NBEA: variants seen among roughly 807,000 people sequenced by gnomAD.
NBEA encodes lysosomal-trafficking regulator 2.
In NBEA, 44 loss-of-function variants were observed where a neutral mutation model predicts 343.4. The observed-to-expected ratio is 0.13, with a 90% CI of 0.10 to 0.16. The LOEUF (loss-of-function observed/expected upper bound fraction) is 0.16. Ranked by LOEUF, NBEA falls within the 10% of genes least tolerant of loss-of-function variation. The probability of loss-of-function intolerance (pLI) is 1.00; values close to 1 mark genes in which losing one functional copy is unlikely to be tolerated. For synonymous variants in NBEA, 1,175 were observed against 1,238.7 expected, an observed-to-expected ratio of 0.95 and a Z score of 1.08; for missense variants, 2,555 against 3,631.3, an observed-to-expected ratio of 0.70 and a Z score of 7.62.
At chr13:35,652,762 T>C in intron 53 of NBEA, among the ~76,000 whole-genome samples, 1 of 125,060 alleles carries the variant, frequency 8.0e-6, no homozygotes, top group African/African-American at 2.9e-5. Context: ...TGGCGCGATC[T>C]CGGCTCACTG....
At chr13:35,352,078 G>A (rs539765247) in intron 37 of NBEA, 79 bp from the exon 38 acceptor site, 11 of 877,676 alleles carry the variant, frequency 1.3e-5, no homozygotes, top group African/African-American at 1.2e-4. Flanking sequence ...TCCTGTTACC[G>A]TTTAACTTAA....
intron 41 of NBEA, chr13:35,474,873 G>T: frequency 1.4e-6 from 1 of 698,288 alleles, no homozygotes; most frequent in Non-Finnish European, 2.3e-6. Context: ...TTCTCCATCC[G>T]CTTCCCCTAC....
intron 53 of NBEA, among the ~76,000 whole-genome samples, chr13:35,654,233 T>C (rs2084694423): frequency 6.6e-6 from 1 of 152,190 alleles, no homozygotes; most frequent in Admixed American, 6.5e-5. Context: ...TTTGCCTGTC[T>C]CTTTCCTCCC....
intron 38 of NBEA, among the ~76,000 whole-genome samples, chr13:35,366,775 A>G (rs1470318409): frequency 6.6e-6 from 1 of 151,300 alleles, no homozygotes; most frequent in Non-Finnish European, 1.5e-5. Flanking sequence ...AAATTAATGG[A>G]TGAAACTTAA....
intron 2 of NBEA, among the ~76,000 whole-genome samples, chr13:35,041,949 C>T (rs190713016): frequency 1.3e-5 from 2 of 151,980 alleles, no homozygotes; most frequent in Admixed American, 1.3e-4. Context: ...TATCTTCTGA[C>T]ATAAAAGCAT....
chr13:35,323,436 A>G (rs2152842228), intron 36 of NBEA, among the ~76,000 whole-genome samples: 1 of 152,066 alleles, frequency 6.6e-6, no homozygotes, highest in East Asian at 1.9e-4. Context: ...GAAATTGGAA[A>G]TCATCATTCT....
chr13:35,339,943 C>T (rs1478418364), intron 36 of NBEA, among the ~76,000 whole-genome samples: 2 of 152,018 alleles, frequency 1.3e-5, no homozygotes, highest in East Asian at 1.9e-4. Flanking sequence ...CAGATCCAAA[C>T]CATATTAGGC....
intron 10 of NBEA, among the ~76,000 whole-genome samples, chr13:35,076,372 G>A (rs1316149156): frequency 6.6e-6 from 1 of 151,952 alleles, no homozygotes; most frequent in East Asian, 1.9e-4. Context: ...TTTAAGCAGA[G>A]TAAAATGAAA....
chr13:35,149,573 A>G (rs1003212110), intron 18 of NBEA, among the ~76,000 whole-genome samples: 1 of 152,218 alleles, frequency 6.6e-6, no homozygotes, highest in Non-Finnish European at 1.5e-5. Context: ...AAAACCTGCT[A>G]CAATATCAGA....
At chr13:35,313,340 G>A (rs925229101) in intron 36 of NBEA, among the ~76,000 whole-genome samples, 2 of 152,010 alleles carry the variant, frequency 1.3e-5, no homozygotes, top group Admixed American at 6.6e-5. Context: ...AAGATCTTGT[G>A]TCTTATTCAT....
intron 36 of NBEA, among the ~76,000 whole-genome samples, chr13:35,345,029 T>C (rs567488428): frequency 1.3e-5 from 2 of 152,184 alleles, no homozygotes; most frequent in East Asian, 3.9e-4. Context: ...AGATAACATG[T>C]GTATGTGGGG....
chr13:35,322,424 G>A (rs2038223554), intron 36 of NBEA, among the ~76,000 whole-genome samples: 1 of 152,138 alleles, frequency 6.6e-6, no homozygotes, highest in Non-Finnish European at 1.5e-5. Flanking sequence ...ACCGTGGACT[G>A]CACCCACAGT....
intron 34 of NBEA, among the ~76,000 whole-genome samples, chr13:35,285,040 G>A (rs1437413563): frequency 6.6e-6 from 1 of 152,094 alleles, no homozygotes; most frequent in Non-Finnish European, 1.5e-5. Context: ...TATTGGACAT[G>A]CAAAATTCCT....
chr13:35,289,500 A>C (rs1369187730), intron 34 of NBEA, among the ~76,000 whole-genome samples: 1 of 151,866 alleles, frequency 6.6e-6, no homozygotes, highest in Non-Finnish European at 1.5e-5. Flanking sequence ...ACTACCAATT[A>C]AGATCTGCTT....
At chr13:35,538,669 C>T (rs780992761) in intron 41 of NBEA, among the ~76,000 whole-genome samples, 18 of 152,158 alleles carry the variant, frequency 1.2e-4, no homozygotes, top group Non-Finnish European at 1.9e-4. Flanking sequence ...CAGTAACCCC[C>T]GTGAGGACAC....
At chr13:35,573,820 T>C (rs1481983187) in intron 45 of NBEA, among the ~76,000 whole-genome samples, 1 of 152,196 alleles carries the variant, frequency 6.6e-6, no homozygotes, top group Non-Finnish European at 1.5e-5. Flanking sequence ...TGCACTTTAA[T>C]TTCACCAGCC....
intron 30 of NBEA, chr13:35,186,809 T>A (rs752320555): frequency 1.3e-5 from 2 of 152,140 alleles, no homozygotes; most frequent in African/African-American, 2.4e-5. Flanking sequence ...AAGTTACAAG[T>A]GTAATAGTAG....
intron 40 of NBEA, among the ~76,000 whole-genome samples, chr13:35,457,352 A>G (rs1159634501): frequency 5.3e-5 from 8 of 152,170 alleles, no homozygotes; most frequent in Non-Finnish European, 8.8e-5. Flanking sequence ...TCATTCACAG[A>G]GTTATGCAAC....
rs1002961122 is a variant in NBEA at position 35,117,423 on chromosome 13, G to A, written c.2012G>A (p.Arg671Gln). Residue 671 changes from arginine to glutamine, a missense_variant, in exon 14 of 59, where the codon CGG becomes CAG. Around this residue, in one of 21 missense-constraint regions of NBEA, gnomAD observed 360 missense variants for 519.1 expected, o/e 0.69. Transcript: ENST00000379939. Reference protein sequence around the residue: ...GITPKGLDGPRPSQKEIISLR... With the variant: ...GITPKGLDGPQPSQKEIISLR... ...TTCTGTTTTGTTCTAGATGGTCCCC[G>A]GCCATCACAAAAAGAAATTATATCA... is the stretch of plus-strand genomic sequence containing the variant. 45 of 1,367,010 alleles carry A rather than the reference G, an allele frequency of 3.3e-5. No individual in the cohort carries two copies. Among genetic ancestry groups the A allele is most frequent in the African/African-American group, 4.5e-5 (3 of 66,772 alleles). 84.7% of individuals were successfully genotyped at this position (1,367,010 alleles called of 1,614,324 possible).
Sources: gnomAD v4.1 joint callset for allele counts (sites outside exome capture counted in the v4.1 genomes callset) on GRCh38, gnomAD v4.1.1 for gene constraint, gnomAD v4.1.1 regional missense constraint, MANE v1.5 for transcripts, NCBI Gene and HGNC (gene_info 2026-07-23, HGNC 2026-07-21) for gene names.